Variants in TULP2 observed in about 807,000 individuals in gnomAD.
The protein encoded by TULP2 is tubby-related protein 2.
Under a neutral mutation model 60.3 loss-of-function variants are expected in TULP2, and 64 were observed. The ratio of observed to expected loss-of-function variants is 1.06; its 90% CI spans 0.87 to 1.31. The LOEUF (loss-of-function observed/expected upper bound fraction) is 1.31, where lower values mean the gene tolerates loss of function less well. TULP2 is among the 50% of genes most tolerant of loss of function. The probability of loss-of-function intolerance (pLI) is 0.00; values close to 1 mark genes in which losing one functional copy is unlikely to be tolerated. For missense variants in TULP2, 652 were observed against 667.0 expected, an observed-to-expected ratio of 0.98 and a Z score of 0.25; for synonymous variants, 267 against 265.4, an observed-to-expected ratio of 1.01 and a Z score of -0.06.
intron 5 of TULP2, 98 bp downstream of exon 5, chr19:48,895,268 T>C: frequency 1.3e-6 from 2 of 1,575,334 alleles, no homozygotes; most frequent in Non-Finnish European, 1.7e-6. Flanking sequence ...GGTCCTGAGC[T>C]CCTGAGTATT....
chr19:48,889,266 A>G (rs568337178), intron 7 of TULP2, among the ~76,000 whole-genome samples: 3 of 152,238 alleles, frequency 2.0e-5, no homozygotes, highest in East Asian at 1.9e-4. Context: ...GTGAGCCACC[A>G]TACCATAAGC....
chr19:48,891,461 C>A (rs2037232685), intron 6 of TULP2, among the ~76,000 whole-genome samples: 1 of 152,050 alleles, frequency 6.6e-6, no homozygotes, highest in African/African-American at 2.4e-5. Flanking sequence ...TGAAACCGGT[C>A]TCTACTAAAA....
chr19:48,885,351 G>C, intron 9 of TULP2, 97 bp downstream of exon 9: 1 of 976,140 alleles, frequency 1.0e-6, no homozygotes, highest in South Asian at 1.5e-5. Context: ...CCCTGAGCAG[G>C]TGGAAGGTAT....
intron 3 of TULP2, among the ~76,000 whole-genome samples, chr19:48,896,992 C>G (rs1245455838): frequency 6.6e-6 from 1 of 151,924 alleles, no homozygotes; most frequent in Non-Finnish European, 1.5e-5. Flanking sequence ...CGGATTCAAA[C>G]GATTCTCCTG....
chr19:48,886,710 T>C (rs995350179), intron 8 of TULP2, among the ~76,000 whole-genome samples: 2 of 151,564 alleles, frequency 1.3e-5, no homozygotes, highest in African/African-American at 2.4e-5. Context: ...TATCTCAGGA[T>C]TGAGTGAGGC....
rs376336816 is a variant in TULP2 at position 48,891,864 on chromosome 19, CAT to C, written c.515-2235_515-2234del. Among the ~76,000 whole-genome samples, 290 of 152,264 alleles carry C rather than the reference CAT, an allele frequency of 1.9e-3. 1 individual carries two copies. Among genetic ancestry groups the C allele is most frequent in the African/African-American group, 6.8e-3 (282 of 41,558 alleles). Reference sequence around the variant, plus strand: ...GGTGGGGAGAGGGTCAGCAGGAAAACATGTGAACAAAAGACTCTGTGTCATAA... The same window carrying C: ...GGTGGGGAGAGGGTCAGCAGGAAAACGTGAACAAAAGACTCTGTGTCATAA... On this transcript the variant is annotated intron_variant, in intron 6 of 12. Transcript: ENST00000221399.
At chr19:48,885,657 G>T in intron 8 of TULP2, 97 bp from the exon 9 acceptor site, 4 of 1,071,850 alleles carry the variant, frequency 3.7e-6, no homozygotes, top group Admixed American at 2.0e-5. Context: ...GCTGCGGCGG[G>T]CAGATCACTT....
rs369432743 is a variant in TULP2, at chr19:48,888,214, C to T, written c.684G>A (p.Thr228=). Residue 228 remains threonine, a synonymous_variant, in exon 8 of 13, where the codon ACG becomes ACA. Transcript: ENST00000221399. ...KKREASESTG[T]NSSAAHNEEL... is the part of the protein sequence containing the mutation. ...CTTCGTTGTGTGCTGCTGAGGAGTT[C>T]GTCCCTGTAGACTCAGAGGCCTCTC... 4.3e-5 allele frequency: 69 copies of T among 1,611,928 alleles called. No individual in the cohort carries two copies. Among genetic ancestry groups the T allele is most frequent in the Non-Finnish European group, 5.5e-5 (65 of 1,178,378 alleles).
At chr19:48,888,378 T>C (rs2037203188) in intron 7 of TULP2, 117 bp from the exon 8 acceptor site, 1 of 1,092,098 alleles carries the variant, frequency 9.2e-7, no homozygotes, top group African/African-American at 1.6e-5. Flanking sequence ...TTTCTGCTTA[T>C]TGGTCAAAAA....
At chr19:48,896,823 C>G (rs1285489317) in intron 3 of TULP2, 4 of 391,904 alleles carry the variant, frequency 1.0e-5, no homozygotes, top group Non-Finnish European at 1.8e-5. Context: ...CTTAGAAATT[C>G]ATCACAAGGG....
At chr19:48,883,650 C>G (rs936974330) in intron 11 of TULP2, 104 bp downstream of exon 11, 2 of 1,290,966 alleles carry the variant, frequency 1.5e-6, no homozygotes, top group African/African-American at 2.9e-5. Flanking sequence ...CTGCAACCCA[C>G]TGGCCTCCTC....
Position 48,897,313 on chromosome 19 carries a change from A to G in TULP2, c.84+32T>C, listed in dbSNP as rs202047541. The G allele has an allele frequency of 1.7e-3, 2,684 of 1,612,132 alleles. 15 individuals carry two copies. Among genetic ancestry groups the G allele is most frequent in the Middle Eastern group, 0.01 (61 of 6,062 alleles). The stretch of plus-strand genomic sequence containing the variant: ...CCTGGGGAGGCACAGAAGGCGGAAG[A>G]GTTGGAGTGGTGAGATTCCTGGGCA... On this transcript the variant is annotated intron_variant, in intron 3 of 12. Transcript: ENST00000221399. The surrounding 1 kb of genome is among the most constrained non-coding windows in gnomAD (Gnocchi z 4.0).
Position 48,897,356 on chromosome 19 carries a change from G to C in TULP2, c.73C>G (p.Leu25Val). The C allele has an allele frequency of 6.2e-7, 1 of 1,613,796 alleles. No individual in the cohort carries two copies. The highest frequency in any genetic ancestry group is 1.3e-5 in the African/African-American group (1 of 75,026). ...HELAAMRLQK[L>V]EQQRRLFEKK... ...CCTGGGCACAATACCTGCTGTTCCA[G>C]CTTCTGCAGCCTCATAGCAGCGAGC... The change falls in exon 3 of 13, where the codon CTG (leucine) becomes GTG (valine). Residue 25 changes from leucine to valine, a missense_variant. Coordinates refer to ENST00000221399, the MANE Select transcript of TULP2 (RefSeq NM_003323.3). This position sits in a 1 kb window ranked among gnomAD's most constrained non-coding sequence, Gnocchi z 4.0.
Position 48,895,017 on chromosome 19 carries a change from C to T in TULP2, c.495G>A (p.Trp165Ter). The T allele has an allele frequency of 6.2e-7, 1 of 1,613,036 alleles. No homozygotes were observed. The highest frequency in any genetic ancestry group is 2.2e-5 in the East Asian group (1 of 44,884). The change falls in exon 6 of 13, where the codon TGG becomes TGA. Residue 165 changes from tryptophan (W) to a stop codon, truncating the protein, a stop_gained. Transcript: ENST00000221399. LOFTEE classifies it high-confidence loss of function. ...AATTACCAGGTCGTTGGTGGGCTTG[C>T]CAACCCTTGCGTCGGATTCTCGGAG... ...KQSPRIRRKG[W>*]QAHQRPGTRA...
At chr19:48,884,802 C>T (rs2037164707) in intron 9 of TULP2, among the ~76,000 whole-genome samples, 1 of 151,452 alleles carries the variant, frequency 6.6e-6, no homozygotes. Context: ...ATAAATGAAA[C>T]AACCATGTTT....
chr19:48,887,070 G>A (rs1355629562), intron 8 of TULP2, among the ~76,000 whole-genome samples: 1 of 146,914 alleles, frequency 6.8e-6, no homozygotes, highest in African/African-American at 2.5e-5. Context: ...GAGTGCAGTG[G>A]TGTGAGATCT....
In TULP2 at chr19:48,881,030, C is replaced by A; in HGVS notation, c.1544G>T (p.Cys515Phe). 6.2e-7 allele frequency: 1 copy of A among 1,613,648 alleles called. No individual in the cohort carries two copies. Among genetic ancestry groups the A allele is most frequent in the Non-Finnish European group, 8.5e-7 (1 of 1,179,828 alleles). The change falls in exon 13 of 13, where the codon TGC becomes TTC. Residue 515 changes from cysteine to phenylalanine, a missense_variant. Physicochemically the swap from Cys to Phe is radical, Grantham distance 205. Coordinates refer to ENST00000221399, the MANE Select transcript of TULP2 (RefSeq NM_003323.3). ...PFSPLQAFSI[C>F]LSSFN ...CAGCTTCTAATTGAAACTGGACAAG[C>A]AGATGCTGAAGGCCTGGAGCGGGCT...
Position 48,885,534 on chromosome 19 carries a change from T to G in TULP2, c.975A>C (p.Arg325Ser), listed in dbSNP as rs148677904. The G allele has an allele frequency of 2.3e-4, 378 of 1,613,952 alleles. No individual in the cohort carries two copies. The highest frequency in any genetic ancestry group is 3.1e-4 in the Non-Finnish European group (361 of 1,179,922). The change falls in exon 9 of 13, where the codon AGA becomes AGC. Residue 325 changes from arginine to serine, a missense_variant. Transcript: ENST00000221399. ...LQRFLLAGRK[R>S]RRSKTSNYLI... Reference sequence around the variant, plus strand: ...GGTAATTAGAAGTTTTGCTCCTTCTTCTCTTTCGCCCAGCCAGGAGGAAGC... The same window carrying G: ...GGTAATTAGAAGTTTTGCTCCTTCTGCTCTTTCGCCCAGCCAGGAGGAAGC...
chr19:48,882,285 G>C, intron 11 of TULP2, 82 bp from the exon 12 acceptor site: 1 of 1,500,964 alleles, frequency 6.7e-7, no homozygotes, highest in Non-Finnish European at 9.1e-7. Flanking sequence ...ATCTTGAACA[G>C]GGGCGACTCC....
Sources: gnomAD v4.1 joint callset for allele counts (sites outside exome capture counted in the v4.1 genomes callset) on GRCh38, gnomAD v4.1.1 for gene constraint, Gnocchi (gnomAD v3.1) non-coding constraint, MANE v1.5 for transcripts, NCBI Gene and HGNC (gene_info 2026-07-23, HGNC 2026-07-21) for gene names.